The following NPR3 variants were observed in gnomAD, a reference collection of about 807,000 sequenced individuals.
NPR3 encodes the protein natriuretic peptide receptor 3, also known as atrial natriuretic peptide receptor 3.
NPR3 carries 34 observed loss-of-function variants against 54.5 expected under a neutral mutation model. The ratio of observed to expected loss-of-function variants is 0.62; its 90% CI spans 0.47 to 0.83. The LOEUF is 0.83. NPR3 is among the 40% of genes least tolerant of loss of function. NPR3 has a pLI of 0.00. For synonymous variants in NPR3, 289 were observed against 297.1 expected, an observed-to-expected ratio of 0.97 and a Z score of 0.28; for missense variants, 674 against 720.8, an observed-to-expected ratio of 0.94 and a Z score of 0.74.
intron 1 of NPR3, chr5:32,713,325 T>G: frequency 1.0e-6 from 1 of 985,404 alleles, no homozygotes; most frequent in Non-Finnish European, 1.2e-6. Flanking sequence ...GGTCTTTGGG[T>G]GTTGGAATAA....
chr5:32,703,519 G>A (rs1227110106), intron 1 of NPR3, among the ~76,000 whole-genome samples: 1 of 152,118 alleles, frequency 6.6e-6, no homozygotes, highest in African/African-American at 2.4e-5. Flanking sequence ...AATACTTCCT[G>A]GCTATTACTG....
chr5:32,732,234 C>T (rs908185239), intron 2 of NPR3, among the ~76,000 whole-genome samples: 4 of 111,366 alleles, frequency 3.6e-5, no homozygotes, highest in South Asian at 3.0e-4. Context: ...GGCGACAGAG[C>T]GAGACTCCGT....
intron 3 of NPR3, among the ~76,000 whole-genome samples, chr5:32,761,325 C>G (rs1052839464): frequency 2.0e-5 from 3 of 152,048 alleles, no homozygotes; most frequent in African/African-American, 7.2e-5. Context: ...ATGAGATACT[C>G]CTCCATTTAT....
chr5:32,699,782 T>C (rs1579568786), intron 1 of NPR3, among the ~76,000 whole-genome samples: 1 of 152,214 alleles, frequency 6.6e-6, no homozygotes, highest in African/African-American at 2.4e-5. Flanking sequence ...TGTTACACAG[T>C]AATAGGGAGT....
chr5:32,707,671 T>G (rs1195374774), upstream of NPR3, among the ~76,000 whole-genome samples: 1 of 152,154 alleles, frequency 6.6e-6, no homozygotes, highest in Non-Finnish European at 1.5e-5. Context: ...GAATACAACT[T>G]TAGGGCTGGC....
intron 3 of NPR3, among the ~76,000 whole-genome samples, chr5:32,754,809 C>T (rs1185368472): frequency 6.6e-6 from 1 of 152,130 alleles, no homozygotes; most frequent in Non-Finnish European, 1.5e-5. Flanking sequence ...GGAATAATTA[C>T]TAAATCACTG....
intron 1 of NPR3, among the ~76,000 whole-genome samples, chr5:32,703,887 C>T (rs1162125018): frequency 1.3e-5 from 2 of 152,226 alleles, no homozygotes; most frequent in African/African-American, 4.8e-5. Flanking sequence ...CATGTGTCCC[C>T]CACATCCACT....
intron 3 of NPR3, among the ~76,000 whole-genome samples, chr5:32,750,322 G>A (rs1385347139): frequency 1.3e-5 from 2 of 152,106 alleles, no homozygotes; most frequent in South Asian, 2.1e-4. Flanking sequence ...TTTTAGTAGA[G>A]ACAGGGTTTC....
upstream of NPR3, chr5:32,711,263 T>G (rs1738206607): frequency 1.0e-6 from 1 of 960,452 alleles, no homozygotes; most frequent in African/African-American, 1.9e-5. Flanking sequence ...GCGCCATGTG[T>G]GGTAACACGC....
At chr5:32,758,076 G>T (rs1240049561) in intron 3 of NPR3, among the ~76,000 whole-genome samples, 5 of 152,054 alleles carry the variant, frequency 3.3e-5, no homozygotes, top group African/African-American at 1.2e-4. Context: ...TTTTTGTTGT[G>T]CTTCTGCCAG....
chr5:32,788,481 T>G lies in NPR3; in HGVS notation c.*2136T>G, dbSNP rs1742747208. 6.6e-6 allele frequency: 1 copy of G among 152,242 alleles called. No homozygotes were observed. Among genetic ancestry groups the G allele is most frequent in the South Asian group, 2.1e-4 (1 of 4,832 alleles). 9.4% of individuals were successfully genotyped at this position (152,242 alleles called of 1,614,324 possible). On this transcript the variant is annotated 3_prime_UTR_variant, in exon 8 of 8. Transcript: ENST00000265074. Reference sequence around the variant, plus strand: ...TTATTTTTCAATGATGTTTTCTTTATATTTTAGAGATATTCATTTTCTCTT... The same window carrying G: ...TTATTTTTCAATGATGTTTTCTTTAGATTTTAGAGATATTCATTTTCTCTT...
chr5:32,715,288 G>A (rs577656743), intron 1 of NPR3, among the ~76,000 whole-genome samples: 1 of 152,292 alleles, frequency 6.6e-6, no homozygotes, highest in African/African-American at 2.4e-5. Context: ...TCCCTATTAA[G>A]TATTATGAAT....
intron 3 of NPR3, among the ~76,000 whole-genome samples, chr5:32,752,207 CCAAAAA>C (rs58111360): frequency 0.14 from 20,965 of 149,792 alleles, 1,928 homozygotes; most frequent in African/African-American, 0.26. Context: ...TCCTCCACCT[CCAAAAA>C]CAAAAACAAA....
rs1742638313 is a variant in NPR3 at position 32,786,466 on chromosome 5, A to G, written c.*121A>G. 1 of 645,670 alleles carries G rather than the reference A, an allele frequency of 1.5e-6. No individual in the cohort carries two copies. The highest frequency in any genetic ancestry group is 2.9e-5 in the East Asian group (1 of 34,566). 40.0% of individuals were successfully genotyped at this position (645,670 alleles called of 1,614,324 possible). A position where few individuals can be genotyped will look rare whatever the true frequency, so the allele number is the denominator to read the frequency against. ...AATTCATAATTTTAAGCAGTTAGTA[A>G]TTTCATTTTAAAATTTCTGTAGAAG... On this transcript the variant is annotated 3_prime_UTR_variant, in exon 8 of 8. Transcript: ENST00000265074.
intron 3 of NPR3, among the ~76,000 whole-genome samples, chr5:32,740,106 T>A (rs942779521): frequency 6.6e-6 from 1 of 152,194 alleles, no homozygotes; most frequent in Non-Finnish European, 1.5e-5. Flanking sequence ...CCAAGTTGGA[T>A]AATGATCAAC....
chr5:32,726,624 T>C (rs979103445), intron 2 of NPR3, among the ~76,000 whole-genome samples: 1 of 152,220 alleles, frequency 6.6e-6, no homozygotes, highest in Non-Finnish European at 1.5e-5. Context: ...GCATGTGAAT[T>C]TAGAGGCATG....
At chr5:32,776,045 C>T (rs986829380) in intron 4 of NPR3, among the ~76,000 whole-genome samples, 6 of 152,182 alleles carry the variant, frequency 3.9e-5, no homozygotes, top group Non-Finnish European at 1.5e-5. Flanking sequence ...GTCCCCTCTC[C>T]CCACTGTGTA....
intron 2 of NPR3, among the ~76,000 whole-genome samples, chr5:32,736,488 A>T (rs1021480078): frequency 2.0e-5 from 3 of 152,096 alleles, no homozygotes; most frequent in African/African-American, 7.2e-5. Flanking sequence ...AGAAACTCAC[A>T]CCCTCTTTGC....
At chr5:32,769,506 A>AT (rs1351812715) in intron 3 of NPR3, among the ~76,000 whole-genome samples, 2 of 152,028 alleles carry the variant, frequency 1.3e-5, no homozygotes, top group East Asian at 3.9e-4. Context: ...CCTTTCTCTC[A>AT]TCTCCCCTTC....
Sources: gnomAD v4.1 joint callset for allele counts (sites outside exome capture counted in the v4.1 genomes callset) on GRCh38, gnomAD v4.1.1 for gene constraint, MANE v1.5 for transcripts, NCBI Gene and HGNC (gene_info 2026-07-23, HGNC 2026-07-21) for gene names.